DYNC2H1: variants seen among roughly 807,000 people sequenced by gnomAD.
DYNC2H1 encodes the protein cytoplasmic dynein 2 heavy chain 1.
Under a neutral mutation model 570.0 loss-of-function variants are expected in DYNC2H1, and 410 were observed. The observed-to-expected ratio is 0.72, with a 90% confidence interval of 0.66 to 0.78. DYNC2H1 has a LOEUF of 0.78. Ranked by LOEUF, DYNC2H1 falls within the 30% of genes least tolerant of loss-of-function variation. The pLI, the probability that DYNC2H1 is intolerant of heterozygous loss-of-function variation, is 0.00. For missense variants in DYNC2H1, 4,865 were observed against 5,046.4 expected (o/e 0.96, Z 1.09); for synonymous variants, 1,688 against 1,677.6 (o/e 1.01, Z -0.15).
At chr11:103,197,305 G>A (rs1030833367) in intron 47 of DYNC2H1, among the ~76,000 whole-genome samples, 6 of 152,096 alleles carry the variant, frequency 3.9e-5, no homozygotes, top group African/African-American at 1.4e-4. Context: ...AGAATAGACA[G>A]TGGGGAGTAG....
intron 88 of DYNC2H1, among the ~76,000 whole-genome samples, chr11:103,470,525 A>G (rs1565628030): frequency 6.6e-6 from 1 of 151,836 alleles, no homozygotes. Context: ...GCACTCATTA[A>G]CTCGTCATTT....
intron 59 of DYNC2H1, among the ~76,000 whole-genome samples, chr11:103,227,933 A>C (rs1422810672): frequency 3.9e-5 from 6 of 152,136 alleles, no homozygotes; most frequent in African/African-American, 1.4e-4. Flanking sequence ...ATCGTTATAT[A>C]ATGTCCCTCT....
At chr11:103,373,123 T>G (rs574976943) in intron 83 of DYNC2H1, among the ~76,000 whole-genome samples, 1 of 152,094 alleles carries the variant, frequency 6.6e-6, no homozygotes, top group African/African-American at 2.4e-5. Context: ...TTTGTAGAGA[T>G]AGGGTTTTTC....
At chr11:103,109,983 C>A (rs1406337543) in intron 1 of DYNC2H1, among the ~76,000 whole-genome samples, 1 of 152,208 alleles carries the variant, frequency 6.6e-6, no homozygotes, top group Non-Finnish European at 1.5e-5. Context: ...CTGACCGAAG[C>A]ATGTTTCCCT....
rs1208455466 is a variant in DYNC2H1 at position 103,453,891 on chromosome 11, T to C, written c.12457-1295T>C. On this transcript the variant is annotated intron_variant, in intron 85 of 88. Coordinates refer to ENST00000375735, the MANE Select transcript of DYNC2H1 (RefSeq NM_001377.3). Reference sequence around the variant, plus strand: ...AAAATTATTTGATAGGGAATAAATATGCTATGTATAATATTATTTAATTGA... The same window carrying C: ...AAAATTATTTGATAGGGAATAAATACGCTATGTATAATATTATTTAATTGA... Among the ~76,000 whole-genome samples the C allele has an allele frequency of 2.0e-5, 3 of 151,886 alleles. No individual in the cohort carries two copies. In the South Asian group the frequency reaches 6.2e-4, roughly 31 times the overall value.
chr11:103,479,296 G>A lies in DYNC2H1; in HGVS notation c.*43G>A. On this transcript the variant is annotated 3_prime_UTR_variant, in exon 89 of 89. Coordinates refer to ENST00000375735, the MANE Select transcript of DYNC2H1 (RefSeq NM_001377.3). ...AGCCATCTTCACAAAAGGGAACATTGATTCTTTAAGCTTTAAATCAAACAT... is the reference window on the plus strand; with the variant it reads ...AGCCATCTTCACAAAAGGGAACATTAATTCTTTAAGCTTTAAATCAAACAT... 1 of 1,577,208 alleles carries A rather than the reference G, an allele frequency of 6.3e-7. No homozygotes were observed. Among genetic ancestry groups the A allele is most frequent in the Non-Finnish European group, 8.6e-7 (1 of 1,159,846 alleles).
At chr11:103,301,571 A>G (rs905539690) in intron 75 of DYNC2H1, among the ~76,000 whole-genome samples, 2 of 152,016 alleles carry the variant, frequency 1.3e-5, no homozygotes, top group Admixed American at 6.6e-5. Flanking sequence ...TTAGTTAAAA[A>G]GAAAATTTAT....
At position 103,201,716 on chromosome 11, in the gene DYNC2H1, G is replaced by T. The variant is rs1186611164; in HGVS notation, c.8197+1562G>T. Among the ~76,000 whole-genome samples, 5 of 152,024 alleles carry T rather than the reference G, an allele frequency of 3.3e-5. No individual in the cohort carries two copies. Among genetic ancestry groups the T allele is most frequent in the Non-Finnish European group, 7.4e-5 (5 of 68,002 alleles). ...TCTGTGGTGTTACCTGACCTTTTTG[G>T]TGTCTTCCTGGGGAGGACACTTGCG... is the stretch of plus-strand genomic sequence containing the variant. On this transcript the variant is annotated intron_variant, in intron 50 of 88. Coordinates refer to ENST00000375735, the MANE Select transcript of DYNC2H1 (RefSeq NM_001377.3). The surrounding 1 kb of genome is among the most constrained non-coding windows in gnomAD (Gnocchi z 4.8).
chr11:103,457,964 A>G (rs997129904), intron 87 of DYNC2H1, among the ~76,000 whole-genome samples: 2 of 152,260 alleles, frequency 1.3e-5, no homozygotes, highest in African/African-American at 4.8e-5. Context: ...AAAGTATAAA[A>G]TAAAAAGTTA....
Position 103,189,993 on chromosome 11 carries a change from A to G in DYNC2H1, c.7437+177A>G, listed in dbSNP as rs1394355674. ...GTGTGCCTTATTCACTGTTGTATCCATGGCACAGTTTCTAATAGGCACTCG... is the reference window on the plus strand; with the variant it reads ...GTGTGCCTTATTCACTGTTGTATCCGTGGCACAGTTTCTAATAGGCACTCG... On this transcript the variant is annotated intron_variant, in intron 45 of 88. Coordinates refer to ENST00000375735, the MANE Select transcript of DYNC2H1 (RefSeq NM_001377.3). This position sits in a 1 kb window ranked among gnomAD's most constrained non-coding sequence, Gnocchi z 4.3. Among the ~76,000 whole-genome samples, 2 of 152,292 alleles carry G rather than the reference A, an allele frequency of 1.3e-5. No individual in the cohort carries two copies. Among genetic ancestry groups the G allele is most frequent in the Middle Eastern group, 3.4e-3 (1 of 294 alleles).
Position 103,109,481 on chromosome 11 carries a change from G to T in DYNC2H1, c.-94G>T, listed in dbSNP as rs114993913. On this transcript the variant is annotated 5_prime_UTR_variant, in exon 1 of 89. Coordinates refer to ENST00000375735, the MANE Select transcript of DYNC2H1 (RefSeq NM_001377.3). ...CTGCGGTCCCGCGGTCGGGCTACGG[G>T]TTTGAGCAAAGCTCCTCTCTTCCCT... is the stretch of plus-strand genomic sequence containing the variant. 3,610 of 1,287,182 alleles carry T rather than the reference G, an allele frequency of 2.8e-3. 86 individuals are homozygous for T. In the African/African-American group the frequency reaches 0.045, roughly 16 times the overall value. 79.7% of individuals were successfully genotyped at this position (1,287,182 alleles called of 1,614,324 possible).
intron 85 of DYNC2H1, among the ~76,000 whole-genome samples, chr11:103,441,389 C>A (rs1427109701): frequency 1.3e-5 from 2 of 151,022 alleles, no homozygotes; most frequent in Non-Finnish European, 2.9e-5. Context: ...CTCTCTTTTC[C>A]ATCTTTATTT....
Position 103,324,986 on chromosome 11 carries a change from G to C in DYNC2H1, c.12039+996G>C, listed in dbSNP as rs537945513. Among the ~76,000 whole-genome samples, 1 of 152,026 alleles carries C rather than the reference G, an allele frequency of 6.6e-6. No homozygotes were observed. Among genetic ancestry groups the C allele is most frequent in the Non-Finnish European group, 1.5e-5 (1 of 67,990 alleles). ...CACAATGTCAAATATTTTTTCATATGTTTATTGGCCGTATGTATGTCTTCT... is the reference window on the plus strand; with the variant it reads ...CACAATGTCAAATATTTTTTCATATCTTTATTGGCCGTATGTATGTCTTCT... On this transcript the variant is annotated intron_variant, in intron 82 of 88. Transcript: ENST00000375735. The surrounding 1 kb of genome is among the most constrained non-coding windows in gnomAD (Gnocchi z 5.2).
Position 103,115,318 on chromosome 11 carries a change from T to C in DYNC2H1, c.621+23T>C, listed in dbSNP as rs532267144. 1.0e-5 allele frequency: 15 copies of C among 1,477,672 alleles called. No homozygotes were observed. In the Admixed American group the frequency reaches 1.3e-4, roughly 13 times the overall value. 91.5% of individuals were successfully genotyped at this position (1,477,672 alleles called of 1,614,324 possible). The stretch of plus-strand genomic sequence containing the variant: ...AGAGTATGTGATTCATAAATGGTGA[T>C]ATATTGGGCTTCTTATAAAAGTACT... On this transcript the variant is annotated intron_variant, in intron 4 of 88. Transcript: ENST00000375735.
chr11:103,139,677 A>G (rs1385247522), intron 17 of DYNC2H1, among the ~76,000 whole-genome samples: 1 of 151,862 alleles, frequency 6.6e-6, no homozygotes, highest in Non-Finnish European at 1.5e-5. Flanking sequence ...GGTGTTGAAA[A>G]AAATGTATAT....
At chr11:103,429,021 G>A (rs1943788467) in intron 84 of DYNC2H1, among the ~76,000 whole-genome samples, 1 of 144,430 alleles carries the variant, frequency 6.9e-6, no homozygotes, top group South Asian at 2.3e-4. Context: ...AGCACTTTGG[G>A]AGGCCAAGGC....
intron 85 of DYNC2H1, among the ~76,000 whole-genome samples, chr11:103,441,250 C>T (rs1309828329): frequency 3.3e-5 from 5 of 152,136 alleles, no homozygotes; most frequent in South Asian, 4.2e-4. Context: ...ATGCTCTCCC[C>T]GGGATATGTG....
At chr11:103,410,217 A>C (rs1265589091) in intron 84 of DYNC2H1, among the ~76,000 whole-genome samples, 4 of 152,114 alleles carry the variant, frequency 2.6e-5, no homozygotes, top group African/African-American at 9.7e-5. Context: ...GAAAGGTGAC[A>C]GGCAGTGTGT....
chr11:103,119,823 C>T (rs964987477), intron 6 of DYNC2H1, among the ~76,000 whole-genome samples: 1 of 152,156 alleles, frequency 6.6e-6, no homozygotes, highest in African/African-American at 2.4e-5. Flanking sequence ...TGCTGTTAGG[C>T]ATTCTCAGTA....
Sources: allele counts gnomAD v4.1 joint callset (sites outside exome capture counted in the v4.1 genomes callset), GRCh38; gene constraint gnomAD v4.1.1; non-coding constraint Gnocchi (gnomAD v3.1); transcripts MANE v1.5; gene names NCBI Gene and HGNC (gene_info 2026-07-23, HGNC 2026-07-21).